LZTFL1: variants seen among roughly 807,000 people sequenced by gnomAD.
LZTFL1 encodes the protein leucine zipper transcription factor like 1, also known as leucine zipper transcription factor-like protein 1.
A neutral mutation model predicts 45.9 loss-of-function variants in LZTFL1; 25 were observed. The observed-to-expected ratio is 0.54, with a 90% CI of 0.40 to 0.76. The LOEUF (loss-of-function observed/expected upper bound fraction) is 0.76, where lower values mean the gene tolerates loss of function less well. Ranked by LOEUF, LZTFL1 falls within the 30% of genes least tolerant of loss-of-function variation. The pLI is 0.00. For missense variants in LZTFL1, 277 were observed against 331.1 expected (o/e 0.84, Z 1.27); for synonymous variants, 93 against 117.4 (o/e 0.79, Z 1.35).
chr3:45,892,385 A>AAAGAAC (rs1702209895), intron 2 of LZTFL1, among the ~76,000 whole-genome samples: 1 of 152,220 alleles, frequency 6.6e-6, no homozygotes. Flanking sequence ...CAGCCATAAA[A>AAAGAAC]AAGAACAAGA....
intron 2 of LZTFL1, among the ~76,000 whole-genome samples, chr3:45,912,048 T>C (rs1220457795): frequency 1.3e-5 from 2 of 152,232 alleles, no homozygotes; most frequent in East Asian, 1.9e-4. Flanking sequence ...GTGTCCAGCG[T>C]CTTTGTCAGG....
At chr3:45,856,762 C>T (rs1701400179) in intron 3 of LZTFL1, among the ~76,000 whole-genome samples, 1 of 151,998 alleles carries the variant, frequency 6.6e-6, no homozygotes, top group Non-Finnish European at 1.5e-5. Context: ...AGCCAACAAA[C>T]ATGAAAAAAA....
At chr3:45,842,758 A>G (rs1240566924), upstream of LZTFL1, among the ~76,000 whole-genome samples, 1 of 152,084 alleles carries the variant, frequency 6.6e-6, no homozygotes, top group Admixed American at 6.5e-5. Context: ...AAGCTTGTTG[A>G]ACAAATTCCT....
chr3:45,884,801 G>C (rs1232030113), intron 2 of LZTFL1, among the ~76,000 whole-genome samples: 1 of 152,212 alleles, frequency 6.6e-6, no homozygotes, highest in Non-Finnish European at 1.5e-5. Flanking sequence ...AACAAATTCA[G>C]CCAAGAAAGT....
At chr3:45,891,831 T>C (rs2125744741) in intron 2 of LZTFL1, among the ~76,000 whole-genome samples, 1 of 152,316 alleles carries the variant, frequency 6.6e-6, no homozygotes, top group South Asian at 2.1e-4. Flanking sequence ...CCAATTACTT[T>C]GCAGAAAGTC....
upstream of LZTFL1, among the ~76,000 whole-genome samples, chr3:45,844,739 A>G (rs1202239418): frequency 1.3e-5 from 2 of 152,200 alleles, no homozygotes; most frequent in Admixed American, 6.5e-5. Context: ...TACAGGAGAT[A>G]TGCATTTGAG....
intron 4 of LZTFL1, among the ~76,000 whole-genome samples, chr3:45,852,956 G>A (rs1319907211): frequency 1.3e-5 from 2 of 152,192 alleles, no homozygotes; most frequent in South Asian, 2.1e-4. Flanking sequence ...AAAGGAACAT[G>A]CCCTTTCCTC....
At chr3:45,839,113 G>T (rs1414281954) in intron 1 of LZTFL1, among the ~76,000 whole-genome samples, 1 of 151,822 alleles carries the variant, frequency 6.6e-6, no homozygotes, top group Non-Finnish European at 1.5e-5. Context: ...TTTAGAGACG[G>T]AGTCTCGCTC....
In LZTFL1 at chr3:45,830,987, T is replaced by C. The variant is rs1700799082; in HGVS notation, c.526A>G (p.Thr176Ala). The C allele has an allele frequency of 6.2e-7, 1 of 1,613,796 alleles. No homozygotes were observed. Among genetic ancestry groups the C allele is most frequent in the Non-Finnish European group, 8.5e-7 (1 of 1,179,704 alleles). The change falls in exon 7 of 10, where the codon ACA becomes GCA. Residue 176 changes from threonine to alanine, a missense_variant. Physicochemically the swap from Thr to Ala is moderately conservative, Grantham distance 58. Coordinates refer to ENST00000296135, the MANE Select transcript of LZTFL1 (RefSeq NM_020347.4). ...SRLKTIEIQA[T>A]NALDEKSKLE... Reference sequence around the variant, plus strand: ...TTTGACTTTTCATCCAGTGCATTTGTAGCCTATAGTGAAGTTTAAACAAAA... The same window carrying C: ...TTTGACTTTTCATCCAGTGCATTTGCAGCCTATAGTGAAGTTTAAACAAAA...
intron 2 of LZTFL1, among the ~76,000 whole-genome samples, chr3:45,873,010 T>C (rs1701693862): frequency 6.6e-6 from 1 of 152,204 alleles, no homozygotes; most frequent in Non-Finnish European, 1.5e-5. Context: ...TCTACCCAGG[T>C]ACTTATTTTT....
intron 1 of LZTFL1, 153 bp downstream of exon 1, chr3:45,841,836 C>G: frequency 9.8e-7 from 1 of 1,016,050 alleles, no homozygotes; most frequent in Admixed American, 2.2e-5. Flanking sequence ...CCGAATCTCT[C>G]GCGCCCGGCG....
At chr3:45,886,368 C>A (rs1298356974) in intron 2 of LZTFL1, 1 of 152,354 alleles carries the variant, frequency 6.6e-6, no homozygotes, top group African/African-American at 2.4e-5. Flanking sequence ...GAGACAGTTT[C>A]CCCTTATCCC....
chr3:45,896,754 C>A (rs1430160255), intron 2 of LZTFL1, among the ~76,000 whole-genome samples: 2 of 152,192 alleles, frequency 1.3e-5, no homozygotes. Context: ...ATAACAAATT[C>A]ATTTTTTCCC....
At chr3:45,885,240 T>A (rs1210270816) in intron 2 of LZTFL1, among the ~76,000 whole-genome samples, 2 of 152,124 alleles carry the variant, frequency 1.3e-5, no homozygotes, top group East Asian at 3.8e-4. Context: ...GAAATTAACA[T>A]CCACAAGAGT....
intron 2 of LZTFL1, among the ~76,000 whole-genome samples, chr3:45,903,943 A>G (rs1702630223): frequency 6.6e-6 from 1 of 152,242 alleles, no homozygotes. Flanking sequence ...CCACTTCTAA[A>G]TAACATTGTG....
At position 45,900,085 on chromosome 3, in the gene LZTFL1, C is replaced by A. The variant is rs1702500255; in HGVS notation, c.-215+13035G>T. 1.3e-5 allele frequency among the ~76,000 whole-genome samples: 2 copies of A among 152,174 alleles called. No homozygotes were observed. Among genetic ancestry groups the A allele is most frequent in the Admixed American group, 6.5e-5 (1 of 15,278 alleles). ...GAGTGTGTGTGCTTGTTGGGGCCAGCTTCATGGCTGTGCAACCCACACAGT... is the reference window on the plus strand; with the variant it reads ...GAGTGTGTGTGCTTGTTGGGGCCAGATTCATGGCTGTGCAACCCACACAGT... On this transcript the variant is annotated intron_variant, in intron 2 of 4. Coordinates refer to the LZTFL1 transcript ENST00000472635. This position sits in a 1 kb window ranked among gnomAD's most constrained non-coding sequence, Gnocchi z 4.7.
chr3:45,836,375 C>T (rs987984028), intron 2 of LZTFL1, among the ~76,000 whole-genome samples: 2 of 152,140 alleles, frequency 1.3e-5, no homozygotes, highest in Non-Finnish European at 2.9e-5. Context: ...ACTCTCAGGG[C>T]CAGGCATGGT....
intron 4 of LZTFL1, among the ~76,000 whole-genome samples, chr3:45,850,008 T>C (rs1559409006): frequency 6.6e-6 from 1 of 152,234 alleles, no homozygotes; most frequent in Non-Finnish European, 1.5e-5. Flanking sequence ...ATCGCTGTCG[T>C]GTCCACATAA....
intron 3 of LZTFL1, among the ~76,000 whole-genome samples, chr3:45,858,419 G>A (rs1246540357): frequency 6.6e-6 from 1 of 152,194 alleles, no homozygotes; most frequent in African/African-American, 2.4e-5. Flanking sequence ...TAAGTATGGT[G>A]ACACAGAAAC....
Sources: allele counts gnomAD v4.1 joint callset (sites outside exome capture counted in the v4.1 genomes callset), GRCh38; gene constraint gnomAD v4.1.1; non-coding constraint Gnocchi (gnomAD v3.1); transcripts MANE v1.5; gene names NCBI Gene and HGNC (gene_info 2026-07-23, HGNC 2026-07-21).